Variants in PCDH15 observed in about 807,000 individuals in gnomAD.
The protein encoded by PCDH15 is protocadherin-15.
PCDH15 carries 129 observed loss-of-function variants against 178.5 expected under a neutral mutation model. The observed-to-expected ratio is 0.72, with a 90% confidence interval of 0.63 to 0.84. The LOEUF (loss-of-function observed/expected upper bound fraction) is 0.84. PCDH15 is among the 40% of genes least tolerant of loss of function. The probability of loss-of-function intolerance (pLI) is 0.00; values close to 1 mark genes in which losing one functional copy is unlikely to be tolerated. For synonymous variants in PCDH15, 800 were observed against 732.0 expected, an observed-to-expected ratio of 1.09 and a Z score of -1.50; for missense variants, 2,230 against 2,099.9, an observed-to-expected ratio of 1.06 and a Z score of -1.21.
At chr10:54,286,602 T>A (rs2059042416) in intron 8 of PCDH15, among the ~76,000 whole-genome samples, 1 of 152,198 alleles carries the variant, frequency 6.6e-6, no homozygotes, top group Admixed American at 6.5e-5. Flanking sequence ...GTACGTTCAA[T>A]CCTCTGAAAA....
intron 2 of PCDH15, among the ~76,000 whole-genome samples, chr10:55,451,004 A>C (rs1251047643): frequency 7.1e-6 from 1 of 141,572 alleles, no homozygotes; most frequent in African/African-American, 2.8e-5. Context: ...CTGACATACC[A>C]TATAAGCTAA....
intron 9 of PCDH15, among the ~76,000 whole-genome samples, chr10:54,232,040 A>C (rs1033463690): frequency 6.6e-6 from 1 of 152,086 alleles, no homozygotes; most frequent in Non-Finnish European, 1.5e-5. Flanking sequence ...TTGCAATGTG[A>C]GAATGACATG....
intron 2 of PCDH15, among the ~76,000 whole-genome samples, chr10:54,943,663 G>C (rs1838117003): frequency 6.6e-6 from 1 of 151,764 alleles, no homozygotes; most frequent in African/African-American, 2.4e-5. Flanking sequence ...TAGAAATCTT[G>C]TTTCTCTGCG....
intron 20 of PCDH15, among the ~76,000 whole-genome samples, chr10:54,002,509 G>A (rs1166679814): frequency 2.0e-5 from 3 of 151,836 alleles, no homozygotes; most frequent in Non-Finnish European, 4.4e-5. Context: ...GACCACAACA[G>A]AATAAAACTA....
intron 2 of PCDH15, among the ~76,000 whole-genome samples, chr10:55,595,252 C>A (rs990365192): frequency 1.3e-5 from 2 of 151,858 alleles, no homozygotes; most frequent in Non-Finnish European, 2.9e-5. Context: ...TCAAAATGAT[C>A]TTGATTTCTG....
intron 2 of PCDH15, among the ~76,000 whole-genome samples, chr10:55,444,902 T>G (rs1194738490): frequency 6.6e-6 from 1 of 152,106 alleles, no homozygotes; most frequent in Non-Finnish European, 1.5e-5. Context: ...AAACACATAT[T>G]CATCTCGTGA....
chr10:54,530,375 C>T (rs2132714592), intron 2 of PCDH15, among the ~76,000 whole-genome samples: 1 of 152,228 alleles, frequency 6.6e-6, no homozygotes, highest in South Asian at 2.1e-4. Flanking sequence ...TCCTTATTCT[C>T]TGTATTCCTG....
At chr10:54,912,373 C>T (rs1954832691) in intron 2 of PCDH15, among the ~76,000 whole-genome samples, 1 of 151,846 alleles carries the variant, frequency 6.6e-6, no homozygotes, top group Non-Finnish European at 1.5e-5. Flanking sequence ...GCAGATTTGC[C>T]CTTGCTGTTC....
rs2076028716 is a variant in PCDH15, at chr10:53,815,486, A to G, written c.4491+753T>C. ...ATTCAAATTTTATGGAGCCCTCTCC[A>G]TGGAAATTTTTGCTAAAACCTTATA... On this transcript the variant is annotated intron_variant, in intron 35 of 37. Transcript: ENST00000644397. Among the ~76,000 whole-genome samples the G allele has an allele frequency of 3.9e-5, 6 of 152,264 alleles. No individual in the cohort carries two copies. In the South Asian group the frequency reaches 1.2e-3, roughly 32 times the overall value.
At chr10:53,822,451 G>A (rs1564534435) in intron 32 of PCDH15, 1 of 1,597,208 alleles carries the variant, frequency 6.3e-7, no homozygotes, top group Non-Finnish European at 8.5e-7. Flanking sequence ...GGAGCAGGAG[G>A]AGGAGAAGGA....
intron 6 of PCDH15, among the ~76,000 whole-genome samples, chr10:54,345,573 A>G (rs935851819): frequency 1.3e-4 from 19 of 151,946 alleles, no homozygotes; most frequent in African/African-American, 4.4e-4. Context: ...GTTTTTTTGA[A>G]TAATATGTCA....
rs964348597 is a variant in PCDH15 at position 55,271,487 on chromosome 10, C to T, written c.-156+48112G>A. On this transcript the variant is annotated intron_variant, in intron 1 of 5. Transcript: ENST00000458638. ...GCTATGAGCAATGAACAAAAATAAACATTGCAAAGGTGCTTTACAAAATTT... is the reference window on the plus strand; with the variant it reads ...GCTATGAGCAATGAACAAAAATAAATATTGCAAAGGTGCTTTACAAAATTT... Among the ~76,000 whole-genome samples, 4 of 151,968 alleles carry T rather than the reference C, an allele frequency of 2.6e-5. No homozygotes were observed. The South Asian group carries it at 8.3e-4, about 32-fold the overall frequency.
At chr10:54,189,919 ATGTGTATGTGTGTG>A (rs1425466828) in intron 11 of PCDH15, among the ~76,000 whole-genome samples, 17 of 108,824 alleles carry the variant, frequency 1.6e-4, no homozygotes, top group African/African-American at 3.8e-4. Flanking sequence ...GTATACATGC[ATGTGTATGTGTGTG>A]TGTGTGTGTG....
At chr10:54,748,041 G>A (rs1227782116) in intron 1 of PCDH15, among the ~76,000 whole-genome samples, 1 of 151,906 alleles carries the variant, frequency 6.6e-6, no homozygotes, top group Non-Finnish European at 1.5e-5. Context: ...TCCTGACCTC[G>A]TGATCCACCC....
intron 1 of PCDH15, among the ~76,000 whole-genome samples, chr10:54,755,327 A>T (rs1375954016): frequency 6.6e-6 from 1 of 152,310 alleles, no homozygotes; most frequent in Non-Finnish European, 1.5e-5. Context: ...AATAATTAAT[A>T]TAATTTGTTC....
intron 21 of PCDH15, among the ~76,000 whole-genome samples, chr10:53,986,014 A>T (rs545157277): frequency 6.6e-6 from 1 of 152,336 alleles, no homozygotes; most frequent in South Asian, 2.1e-4. Flanking sequence ...AGAACACATG[A>T]AATATATTCT....
At chr10:54,795,696 G>T (rs1951882408) in intron 1 of PCDH15, among the ~76,000 whole-genome samples, 1 of 151,912 alleles carries the variant, frequency 6.6e-6, no homozygotes, top group Middle Eastern at 3.4e-3. Flanking sequence ...CTATGAGATA[G>T]AAAATAATAC....
intron 24 of PCDH15, among the ~76,000 whole-genome samples, chr10:53,940,250 C>A (rs1445651496): frequency 6.6e-6 from 1 of 152,014 alleles, no homozygotes; most frequent in African/African-American, 2.4e-5. Context: ...AAAATTAATG[C>A]GAAAGATTGA....
intron 2 of PCDH15, among the ~76,000 whole-genome samples, chr10:55,073,786 T>C (rs1449337670): frequency 2.0e-5 from 3 of 152,054 alleles, no homozygotes; most frequent in African/African-American, 7.2e-5. Context: ...TAGGCTTTTT[T>C]GGGGGGGAGA....
Sources: allele counts gnomAD v4.1 joint callset (sites outside exome capture counted in the v4.1 genomes callset), GRCh38; gene constraint gnomAD v4.1.1; transcripts MANE v1.5; gene names NCBI Gene and HGNC (gene_info 2026-07-23, HGNC 2026-07-21).